CXCL13: variants seen among roughly 807,000 people sequenced by gnomAD.
The protein encoded by CXCL13 is C-X-C motif chemokine 13.
CXCL13 carries 7 observed loss-of-function variants against 12.2 expected under a neutral mutation model. That is an observed-to-expected ratio of 0.57 (90% CI 0.33 to 1.07). The LOEUF is 1.07. Ranked by LOEUF, CXCL13 falls within the 50% of genes least tolerant of loss-of-function variation. The probability of loss-of-function intolerance (pLI) is 0.04; values close to 1 mark genes in which losing one functional copy is unlikely to be tolerated. For missense variants in CXCL13, 113 were observed against 127.4 expected (o/e 0.89, Z 0.55); for synonymous variants, 47 against 42.4 (o/e 1.11, Z -0.42).
At chr4:77,519,803 G>A (rs920931097) in intron 1 of CXCL13, among the ~76,000 whole-genome samples, 2 of 152,268 alleles carry the variant, frequency 1.3e-5, no homozygotes, top group African/African-American at 2.4e-5. Context: ...CCTATGTCCT[G>A]AATGGTATTG....
At chr4:77,546,940 T>A (rs1234995460) in intron 1 of CXCL13, among the ~76,000 whole-genome samples, 1 of 152,214 alleles carries the variant, frequency 6.6e-6, no homozygotes, top group South Asian at 2.1e-4. Flanking sequence ...GTGCATTGTG[T>A]GTTTGTTCTC....
intron 1 of CXCL13, among the ~76,000 whole-genome samples, chr4:77,517,140 G>A (rs1275814975): frequency 6.6e-6 from 1 of 152,088 alleles, no homozygotes; most frequent in African/African-American, 2.4e-5. Context: ...TTAATCCTGA[G>A]TTCTAGTTTG....
upstream of CXCL13, among the ~76,000 whole-genome samples, chr4:77,601,788 T>C (rs750942015): frequency 1.8e-4 from 28 of 152,264 alleles, no homozygotes; most frequent in Non-Finnish European, 3.5e-4. Flanking sequence ...AGCACTGTTA[T>C]GTAACCTACA....
Position 77,611,800 on chromosome 4 carries a change from G to C in CXCL13, c.*761G>C. On this transcript the variant is annotated 3_prime_UTR_variant, in exon 4 of 4. Coordinates refer to ENST00000682537, the MANE Select transcript of CXCL13 (RefSeq NM_001371558.1). ...CTTTAATGATTCCTATAAATCTAAT[G>C]ACATTCAATAAAGTTGAGCAAACAT... The C allele has an allele frequency of 2.5e-6, 1 of 397,608 alleles. No homozygotes were observed. Among genetic ancestry groups the C allele is most frequent in the Non-Finnish European group, 4.4e-6 (1 of 225,754 alleles). The allele number at this position is 397,608 out of a possible 1,614,324, so 24.6% of individuals were successfully genotyped here.
chr4:77,547,946 A>C (rs1725413582), intron 1 of CXCL13, among the ~76,000 whole-genome samples: 1 of 152,094 alleles, frequency 6.6e-6, no homozygotes, highest in Non-Finnish European at 1.5e-5. Context: ...AAAATTTCTC[A>C]GCATTTGCTT....
At chr4:77,569,568 G>A (rs1560528975) in intron 1 of CXCL13, among the ~76,000 whole-genome samples, 1 of 152,042 alleles carries the variant, frequency 6.6e-6, no homozygotes, top group East Asian at 1.9e-4. Flanking sequence ...CAGCTAACCA[G>A]GAAGGTGAAA....
At chr4:77,523,624 C>T (rs754469735) in intron 1 of CXCL13, among the ~76,000 whole-genome samples, 12 of 152,120 alleles carry the variant, frequency 7.9e-5, no homozygotes, top group African/African-American at 1.9e-4. Flanking sequence ...ACTTTTTTCA[C>T]GGTTTTCAGC....
intron 1 of CXCL13, among the ~76,000 whole-genome samples, chr4:77,579,631 C>A (rs1390347387): frequency 6.6e-6 from 1 of 152,088 alleles, no homozygotes; most frequent in Non-Finnish European, 1.5e-5. Context: ...AAAGTTGTGT[C>A]TCCCTGGCAT....
At chr4:77,559,108 G>A (rs1368999775) in intron 1 of CXCL13, among the ~76,000 whole-genome samples, 2 of 152,228 alleles carry the variant, frequency 1.3e-5, no homozygotes, top group South Asian at 2.1e-4. Context: ...ACCATCTCAC[G>A]CTGGGATTGT....
chr4:77,564,273 G>A (rs373660680), intron 1 of CXCL13, among the ~76,000 whole-genome samples: 1 of 152,174 alleles, frequency 6.6e-6, no homozygotes, highest in Non-Finnish European at 1.5e-5. Flanking sequence ...TGAAAGATTT[G>A]CTGCAGAGAG....
chr4:77,516,809 C>T (rs993938425), intron 1 of CXCL13, among the ~76,000 whole-genome samples: 12 of 152,094 alleles, frequency 7.9e-5, no homozygotes, highest in Non-Finnish European at 1.5e-4. Flanking sequence ...CTATTTCCTT[C>T]AGTTCTGCTC....
intron 1 of CXCL13, among the ~76,000 whole-genome samples, chr4:77,545,221 G>A (rs1027172301): frequency 3.3e-5 from 5 of 152,144 alleles, no homozygotes; most frequent in Non-Finnish European, 5.9e-5. Context: ...GACTGTCTTG[G>A]CAATGCGGGC....
intron 1 of CXCL13, among the ~76,000 whole-genome samples, chr4:77,514,144 T>C (rs1299076310): frequency 6.6e-6 from 1 of 152,054 alleles, no homozygotes; most frequent in African/African-American, 2.4e-5. Context: ...CTCATCATTT[T>C]TTATGGCTGC....
chr4:77,547,620 T>C (rs1725400998), intron 1 of CXCL13, among the ~76,000 whole-genome samples: 1 of 152,216 alleles, frequency 6.6e-6, no homozygotes, highest in African/African-American at 2.4e-5. Flanking sequence ...TTTGAGCTTA[T>C]GTGTGTCTGT....
chr4:77,569,176 C>T (rs1245713207), intron 1 of CXCL13, among the ~76,000 whole-genome samples: 2 of 152,158 alleles, frequency 1.3e-5, no homozygotes, highest in African/African-American at 2.4e-5. Context: ...TGGGTAAAAG[C>T]TGGAAGCATT....
chr4:77,530,869 G>A (rs1724896671), intron 1 of CXCL13, among the ~76,000 whole-genome samples: 1 of 151,396 alleles, frequency 6.6e-6, no homozygotes, highest in Non-Finnish European at 1.5e-5. Context: ...GTGATGTTAG[G>A]GTGTCAATTT....
chr4:77,585,849 C>G (rs903517143), intron 1 of CXCL13, among the ~76,000 whole-genome samples: 1 of 151,146 alleles, frequency 6.6e-6, no homozygotes, highest in Admixed American at 6.6e-5. Flanking sequence ...CAGGCCTCAT[C>G]ATGAGGGATG....
chr4:77,596,555 TGGGC>T (rs1336323176), intron 1 of CXCL13, among the ~76,000 whole-genome samples: 2 of 151,870 alleles, frequency 1.3e-5, no homozygotes, highest in Non-Finnish European at 2.9e-5. Context: ...GAGACTGAGG[TGGGC>T]GAATCACCTG....
intron 1 of CXCL13, among the ~76,000 whole-genome samples, chr4:77,578,825 A>G (rs931239815): frequency 1.3e-5 from 2 of 152,250 alleles, no homozygotes; most frequent in African/African-American, 4.8e-5. Flanking sequence ...TCTCTGCAGC[A>G]TAATCACACC....
Sources: allele counts gnomAD v4.1 joint callset (sites outside exome capture counted in the v4.1 genomes callset), GRCh38; gene constraint gnomAD v4.1.1; transcripts MANE v1.5; gene names NCBI Gene and HGNC (gene_info 2026-07-23, HGNC 2026-07-21).